ZDHHC14: variants seen among roughly 807,000 people sequenced by gnomAD.
ZDHHC14 encodes zDHHC palmitoyltransferase 14, also known as palmitoyltransferase ZDHHC14.
ZDHHC14 carries 16 observed loss-of-function variants against 47.7 expected under a neutral mutation model. That is an observed-to-expected ratio of 0.34 (90% confidence interval 0.23 to 0.51). The LOEUF (loss-of-function observed/expected upper bound fraction) is 0.51, where lower values mean the gene tolerates loss of function less well. Ranked by LOEUF, ZDHHC14 falls within the 20% of genes least tolerant of loss-of-function variation. The pLI is 0.97. For missense variants in ZDHHC14, 515 were observed against 662.5 expected (o/e 0.78, Z 2.44); for synonymous variants, 293 against 278.9 (o/e 1.05, Z -0.50).
chr6:157,525,699 C>T (rs1048139963), intron 1 of ZDHHC14, among the ~76,000 whole-genome samples: 8 of 152,104 alleles, frequency 5.3e-5, no homozygotes, highest in East Asian at 1.9e-4. Flanking sequence ...GGCTCCCTAC[C>T]GTATTGTGGA....
chr6:157,415,145 A>G (rs948915850), intron 1 of ZDHHC14, among the ~76,000 whole-genome samples: 9 of 152,114 alleles, frequency 5.9e-5, no homozygotes, highest in African/African-American at 1.7e-4. Flanking sequence ...CAGCTTTTCA[A>G]TCGGTACATC....
At chr6:157,514,059 G>C (rs1330229002) in intron 1 of ZDHHC14, among the ~76,000 whole-genome samples, 1 of 152,192 alleles carries the variant, frequency 6.6e-6, no homozygotes, top group African/African-American at 2.4e-5. Flanking sequence ...CTTCCTGAAT[G>C]AGTTTGCTTC....
At chr6:157,592,091 G>C (rs146113869) in intron 2 of ZDHHC14, among the ~76,000 whole-genome samples, 133 of 152,256 alleles carry the variant, frequency 8.7e-4, no homozygotes, top group African/African-American at 2.7e-3. Flanking sequence ...TCTTCCCAGA[G>C]AGCAGGGGTT....
At position 157,675,088 on chromosome 6, in the gene ZDHHC14, C is replaced by G. The variant is rs1481738357; in HGVS notation, c.*1966C>G. On this transcript the variant is annotated 3_prime_UTR_variant, in exon 9 of 9. Coordinates refer to ENST00000359775, the MANE Select transcript of ZDHHC14 (RefSeq NM_024630.3). Reference sequence around the variant, plus strand: ...CACAACTTCCCAAACCGTCTCTGCTCCTTGCTTTCTTCCACCTGCTCCCCA... The same window carrying G: ...CACAACTTCCCAAACCGTCTCTGCTGCTTGCTTTCTTCCACCTGCTCCCCA... 1 of 152,360 alleles carries G rather than the reference C, an allele frequency of 6.6e-6. No homozygotes were observed. The highest frequency in any genetic ancestry group is 1.5e-5 in the Non-Finnish European group (1 of 68,130). The allele number at this position is 152,360 out of a possible 1,614,324, so 9.4% of individuals were successfully genotyped here.
At chr6:157,567,847 T>C (rs141026544) in intron 2 of ZDHHC14, among the ~76,000 whole-genome samples, 186 of 150,440 alleles carry the variant, frequency 1.2e-3, no homozygotes, top group African/African-American at 4.3e-3. Flanking sequence ...ATTGGTTTGA[T>C]GTGGTTACAC....
chr6:157,455,857 C>G (rs1390136779), intron 1 of ZDHHC14, among the ~76,000 whole-genome samples: 1 of 152,176 alleles, frequency 6.6e-6, no homozygotes, highest in Non-Finnish European at 1.5e-5. Flanking sequence ...GAAAGTAACA[C>G]GTTGGCCCAT....
intron 3 of ZDHHC14, among the ~76,000 whole-genome samples, chr6:157,624,973 T>C (rs1785343866): frequency 6.6e-6 from 1 of 152,102 alleles, no homozygotes; most frequent in Admixed American, 6.5e-5. Context: ...TGTCCTCCCA[T>C]GGCAGAAGGC....
chr6:157,544,281 T>C (rs1356729373), intron 2 of ZDHHC14, among the ~76,000 whole-genome samples: 2 of 152,228 alleles, frequency 1.3e-5, no homozygotes, highest in Non-Finnish European at 2.9e-5. Flanking sequence ...CCTGCAGTGA[T>C]CCCCATCTCC....
chr6:157,496,346 C>A (rs1396902105), intron 1 of ZDHHC14, among the ~76,000 whole-genome samples: 1 of 151,856 alleles, frequency 6.6e-6, no homozygotes, highest in Non-Finnish European at 1.5e-5. Flanking sequence ...GAGGGCTGGT[C>A]CCCTCCCACA....
chr6:157,409,427 T>G (rs1777829195), intron 1 of ZDHHC14, among the ~76,000 whole-genome samples: 1 of 152,136 alleles, frequency 6.6e-6, no homozygotes, highest in East Asian at 1.9e-4. Context: ...TAGCATGCCT[T>G]CCCTCTGGCT....
chr6:157,387,304 G>A (rs1777331985), intron 1 of ZDHHC14, among the ~76,000 whole-genome samples: 1 of 152,054 alleles, frequency 6.6e-6, no homozygotes, highest in African/African-American at 2.4e-5. Flanking sequence ...GGAACTTGGG[G>A]CTATCCCCTG....
At chr6:157,467,128 C>T (rs551295949) in intron 1 of ZDHHC14, among the ~76,000 whole-genome samples, 61 of 152,310 alleles carry the variant, frequency 4.0e-4, no homozygotes, top group African/African-American at 1.4e-3. Context: ...TCATAAAATT[C>T]TCGCATTGCA....
At chr6:157,516,582 C>T (rs1412909391) in intron 1 of ZDHHC14, among the ~76,000 whole-genome samples, 1 of 152,112 alleles carries the variant, frequency 6.6e-6, no homozygotes, top group Non-Finnish European at 1.5e-5. Context: ...GGGACTGGAG[C>T]CTGAAATATT....
intron 1 of ZDHHC14, among the ~76,000 whole-genome samples, chr6:157,518,822 C>G (rs1256617816): frequency 5.9e-5 from 9 of 152,228 alleles, no homozygotes; most frequent in Non-Finnish European, 1.3e-4. Context: ...GGTTATTTCT[C>G]CAGCGCATTC....
chr6:157,408,052 CGAT>C (rs1562413495), intron 1 of ZDHHC14, among the ~76,000 whole-genome samples: 1 of 152,162 alleles, frequency 6.6e-6, no homozygotes, highest in African/African-American at 2.4e-5. Flanking sequence ...ATATTAATGA[CGAT>C]GAATCTTTAA....
chr6:157,428,033 G>A (rs1421665057), intron 1 of ZDHHC14, among the ~76,000 whole-genome samples: 2 of 152,200 alleles, frequency 1.3e-5, no homozygotes, highest in East Asian at 1.9e-4. Flanking sequence ...GAGGAATATC[G>A]GGTTCCTGGA....
Position 157,401,805 on chromosome 6 carries a change from T to G in ZDHHC14, c.245+19539T>G, listed in dbSNP as rs376341884. ...CTGCAGTAGTGAGGTGAGCACCTGC[T>G]GAGATCACAGCTTCAGTAGTGAGAT... On this transcript the variant is annotated intron_variant, in intron 1 of 8. Coordinates refer to ENST00000359775, the MANE Select transcript of ZDHHC14 (RefSeq NM_024630.3). Among the ~76,000 whole-genome samples, 3 of 148,716 alleles carry G rather than the reference T, an allele frequency of 2.0e-5. No homozygotes were observed. The East Asian group carries it at 6.1e-4, about 30-fold the overall frequency.
intron 1 of ZDHHC14, among the ~76,000 whole-genome samples, chr6:157,385,054 T>C (rs1453429958): frequency 1.3e-5 from 2 of 152,170 alleles, no homozygotes; most frequent in African/African-American, 4.8e-5. Flanking sequence ...AGTGCTGGGA[T>C]TATAGGTGTG....
chr6:157,585,093 G>A (rs939189648), intron 2 of ZDHHC14, among the ~76,000 whole-genome samples: 2 of 152,036 alleles, frequency 1.3e-5, no homozygotes, highest in Non-Finnish European at 2.9e-5. Flanking sequence ...TGTAGTCCCA[G>A]CTTCTCGGGA....
Sources: gnomAD v4.1 joint callset for allele counts (sites outside exome capture counted in the v4.1 genomes callset) on GRCh38, gnomAD v4.1.1 for gene constraint, MANE v1.5 for transcripts, NCBI Gene and HGNC (gene_info 2026-07-23, HGNC 2026-07-21) for gene names.